CASTOR2: variants seen among roughly 807,000 people sequenced by gnomAD.
The protein encoded by CASTOR2 is cytosolic arginine sensor for mTORC1 subunit 2.
Under a neutral mutation model 31.2 loss-of-function variants are expected in CASTOR2, and 8 were observed. That is an observed-to-expected ratio of 0.26 (90% confidence interval 0.15 to 0.46). CASTOR2 has a LOEUF of 0.46. CASTOR2 is among the 20% of genes least tolerant of loss of function. The pLI is 0.99. For missense variants in CASTOR2, 216 were observed against 382.1 expected, an observed-to-expected ratio of 0.57 and a Z score of 3.62; for synonymous variants, 162 against 158.7, an observed-to-expected ratio of 1.02 and a Z score of -0.16.
chr7:74,988,612 T>C (rs2131928168), intron 1 of CASTOR2, among the ~76,000 whole-genome samples: 1 of 152,198 alleles, frequency 6.6e-6, no homozygotes, highest in Non-Finnish European at 1.5e-5. Context: ...TCCTTTTTTT[T>C]GGTGGACCTC....
intron 1 of CASTOR2, among the ~76,000 whole-genome samples, chr7:75,000,672 T>A (rs1277161173): frequency 6.6e-6 from 1 of 152,024 alleles, no homozygotes; most frequent in East Asian, 1.9e-4. Context: ...GTTTGTTTGT[T>A]TTTGAGATGG....
Position 75,026,189 on chromosome 7 carries a change from G to GTTTTTATTTTTTT in CASTOR2, c.*1495_*1496insATTTTTTTTTTTT, listed in dbSNP as rs1805125020. ...CCCTGTGGTTTTGGCTCTGGCGGGG[G>GTTTTTATTTTTTT]TTTTTTTTTTTTTTTTTGAGATGGG... On this transcript the variant is annotated 3_prime_UTR_variant, in exon 9 of 9. Transcript: ENST00000616305. Among the ~76,000 whole-genome samples, 1 of 117,744 alleles carries GTTTTTATTTTTTT rather than the reference G, an allele frequency of 8.5e-6. No homozygotes were observed. Among genetic ancestry groups the GTTTTTATTTTTTT allele is most frequent in the Non-Finnish European group, 1.8e-5 (1 of 56,722 alleles). 77.2% of individuals were successfully genotyped at this position (117,744 alleles called of 152,430 possible). A position where few individuals can be genotyped will look rare whatever the true frequency, so the allele number is the denominator to read the frequency against.
chr7:75,018,860 C>A, intron 4 of CASTOR2, 112 bp from the exon 5 acceptor site: 1 of 1,516,490 alleles, frequency 6.6e-7, no homozygotes, highest in Non-Finnish European at 9.0e-7. Flanking sequence ...GTGAATGAGT[C>A]TCTTGGGGCC....
chr7:74,982,392 GC>G (rs1754825069), intron 1 of CASTOR2, among the ~76,000 whole-genome samples: 1 of 151,838 alleles, frequency 6.6e-6, no homozygotes, highest in African/African-American at 2.4e-5. Context: ...CCAGGGCTTG[GC>G]CCCAGGCGAG....
intron 1 of CASTOR2, among the ~76,000 whole-genome samples, chr7:74,992,466 G>T (rs1455495738): frequency 6.6e-6 from 1 of 152,060 alleles, no homozygotes; most frequent in Non-Finnish European, 1.5e-5. Flanking sequence ...TTAAGACGGA[G>T]TCTTGCTCTG....
At chr7:74,971,081 C>T (rs1280486288) in intron 1 of CASTOR2, among the ~76,000 whole-genome samples, 1 of 150,452 alleles carries the variant, frequency 6.6e-6, no homozygotes, top group African/African-American at 2.5e-5. Context: ...CTGCAACCTC[C>T]GCCTCCCTGG....
chr7:75,020,106 G>A lies in CASTOR2; in HGVS notation c.703G>A (p.Glu235Lys), dbSNP rs1007340792. Reference protein sequence around the residue: ...HIRFFSFSLIEGYISLVMDVQ... With the variant: ...HIRFFSFSLIKGYISLVMDVQ... Reference sequence around the variant, plus strand: ...CCGCTTCTTCTCCTTCTCCCTCATCGAGGGCTACATCTCCCTGGTGATGGA... The same window carrying A: ...CCGCTTCTTCTCCTTCTCCCTCATCAAGGGCTACATCTCCCTGGTGATGGA... Residue 235 changes from glutamate (E) to lysine (K), a missense_variant, in exon 6 of 9, where the codon GAG becomes AAG. Transcript: ENST00000616305. The A allele has an allele frequency of 6.4e-7, 1 of 1,551,502 alleles. No homozygotes were observed. The highest frequency in any genetic ancestry group is 8.7e-7 in the Non-Finnish European group (1 of 1,146,830).
intron 1 of CASTOR2, among the ~76,000 whole-genome samples, chr7:74,987,627 C>G (rs1804102879): frequency 6.6e-6 from 1 of 152,224 alleles, no homozygotes; most frequent in African/African-American, 2.4e-5. Flanking sequence ...TTGTTCATCA[C>G]CCCCGTGGGG....
intron 1 of CASTOR2, among the ~76,000 whole-genome samples, chr7:74,999,183 A>T (rs1353512502): frequency 1.3e-5 from 2 of 150,304 alleles, no homozygotes; most frequent in East Asian, 3.9e-4. Flanking sequence ...TTTTATTTTT[A>T]TTTTTTTTAG....
intron 2 of CASTOR2, among the ~76,000 whole-genome samples, chr7:75,009,495 C>T (rs1804685747): frequency 6.6e-6 from 1 of 151,886 alleles, no homozygotes; most frequent in South Asian, 2.1e-4. Flanking sequence ...GTCTCGATCT[C>T]CTGACCTCGT....
chr7:75,005,310 C>G (rs1437470436), intron 1 of CASTOR2, among the ~76,000 whole-genome samples: 1 of 152,274 alleles, frequency 6.6e-6, no homozygotes, highest in African/African-American at 2.4e-5. Context: ...AGTTTGGCCT[C>G]TCCAGAATGT....
Position 75,029,244 on chromosome 7 carries a change from C to T in CASTOR2, c.*4545C>T, listed in dbSNP as rs1450461084. On this transcript the variant is annotated 3_prime_UTR_variant, in exon 9 of 9. Transcript: ENST00000616305. ...GATACCCTGGGGAGTCCTAAGGCCA[C>T]CCTGGGCCCCTTTCTGAGCCTAGAG... 6.6e-6 allele frequency among the ~76,000 whole-genome samples: 1 copy of T among 152,206 alleles called. No homozygotes were observed. The highest frequency in any genetic ancestry group is 1.5e-5 in the Non-Finnish European group (1 of 68,036).
chr7:75,024,339 G>A, intron 7 of CASTOR2, 101 bp from the exon 8 acceptor site: 1 of 1,139,372 alleles, frequency 8.8e-7, no homozygotes, highest in Non-Finnish European at 1.3e-6. Flanking sequence ...AGGATGGTGG[G>A]TGCAGGGTAG....
chr7:75,021,977 A>G lies in CASTOR2; in HGVS notation c.829+21A>G, dbSNP rs1262821273. 2.5e-5 allele frequency: 39 copies of G among 1,549,734 alleles called. No individual in the cohort carries two copies. In the East Asian group the frequency reaches 7.8e-4, roughly 31 times the overall value. Reference sequence around the variant, plus strand: ...GTTTGGTGAGTCCTGGGGGGATTACATGGGGAATTGAGGGAGCTGGCATTG... The same window carrying G: ...GTTTGGTGAGTCCTGGGGGGATTACGTGGGGAATTGAGGGAGCTGGCATTG... On this transcript the variant is annotated intron_variant, in intron 7 of 8. Transcript: ENST00000616305.
intron 6 of CASTOR2, 87 bp downstream of exon 6, chr7:75,020,236 CT>C: frequency 8.0e-7 from 1 of 1,254,204 alleles, no homozygotes; most frequent in Non-Finnish European, 1.1e-6. Flanking sequence ...CCCACTTTGT[CT>C]TTTATTTGTT....
chr7:75,027,906 T>G lies in CASTOR2; in HGVS notation c.*3207T>G. 1 of 1,052,172 alleles carries G rather than the reference T, an allele frequency of 9.5e-7. No individual in the cohort carries two copies. The highest frequency in any genetic ancestry group is 1.4e-6 in the Non-Finnish European group (1 of 708,064). The allele number at this position is 1,052,172 out of a possible 1,614,324, so 65.2% of individuals were successfully genotyped here. On this transcript the variant is annotated 3_prime_UTR_variant, in exon 9 of 9. Transcript: ENST00000616305. ...CCCTTGTCCCCCAGCTATCTCCTGGTCTGCTGGGTGGGAGGGTCTCTCCAG... is the reference window on the plus strand; with the variant it reads ...CCCTTGTCCCCCAGCTATCTCCTGGGCTGCTGGGTGGGAGGGTCTCTCCAG...
intron 5 of CASTOR2, among the ~76,000 whole-genome samples, chr7:75,019,693 T>C (rs1804948245): frequency 6.6e-6 from 1 of 152,180 alleles, no homozygotes; most frequent in Non-Finnish European, 1.5e-5. Flanking sequence ...ACAGACATTG[T>C]GTCACTTCCT....
At chr7:74,991,492 C>G (rs1466021440) in intron 1 of CASTOR2, among the ~76,000 whole-genome samples, 3 of 152,108 alleles carry the variant, frequency 2.0e-5, no homozygotes, top group Admixed American at 6.6e-5. Flanking sequence ...AGTCAATCAG[C>G]AAATACTACA....
intron 1 of CASTOR2, among the ~76,000 whole-genome samples, chr7:74,992,001 T>C (rs1251222929): frequency 6.6e-6 from 1 of 151,996 alleles, no homozygotes; most frequent in Non-Finnish European, 1.5e-5. Context: ...GGAAGAGGCT[T>C]GGAAGATGAC....
Sources: gnomAD v4.1 joint callset for allele counts (sites outside exome capture counted in the v4.1 genomes callset) on GRCh38, gnomAD v4.1.1 for gene constraint, MANE v1.5 for transcripts, NCBI Gene and HGNC (gene_info 2026-07-23, HGNC 2026-07-21) for gene names.